PRORP: variants seen among roughly 807,000 people sequenced by gnomAD.
PRORP encodes the protein mitochondrial ribonuclease P catalytic subunit.
A neutral mutation model predicts 59.4 loss-of-function variants in PRORP; 51 were observed. The observed-to-expected ratio is 0.86, with a 90% CI of 0.69 to 1.08. The LOEUF is 1.08. PRORP is among the 50% of genes least tolerant of loss of function. The pLI is 0.00. For synonymous variants in PRORP, 231 were observed against 245.6 expected (o/e 0.94, Z 0.55); for missense variants, 646 against 690.3 (o/e 0.94, Z 0.72).
intron 5 of PRORP, among the ~76,000 whole-genome samples, chr14:35,219,531 G>A (rs1371914121): frequency 6.6e-6 from 1 of 152,294 alleles, no homozygotes; most frequent in East Asian, 1.9e-4. Flanking sequence ...GTATTTGGTG[G>A]CCACTCAAAA....
intron 5 of PRORP, among the ~76,000 whole-genome samples, chr14:35,222,969 T>C (rs1281641275): frequency 6.6e-6 from 1 of 152,196 alleles, no homozygotes; most frequent in Non-Finnish European, 1.5e-5. Flanking sequence ...CTGTTATAGT[T>C]TCTGGCTTAG....
At chr14:35,152,610 C>T (rs932006009) in intron 4 of PRORP, among the ~76,000 whole-genome samples, 2 of 151,446 alleles carry the variant, frequency 1.3e-5, no homozygotes, top group Non-Finnish European at 3.0e-5. Context: ...GGGCTGACCC[C>T]CCCACCTCCG....
intron 5 of PRORP, among the ~76,000 whole-genome samples, chr14:35,214,982 A>AT (rs201453360): frequency 7.3e-5 from 11 of 151,246 alleles, no homozygotes; most frequent in East Asian, 1.9e-4. Context: ...TTGGGAAAGC[A>AT]TTTTTTTTTA....
rs1566542897 is a variant in PRORP, at chr14:35,273,503, C to G, written c.1689C>G (p.Asp563Glu). 1.9e-6 allele frequency: 3 copies of G among 1,613,614 alleles called. No homozygotes were observed. Among genetic ancestry groups the G allele is most frequent in the Non-Finnish European group, 2.5e-6 (3 of 1,179,740 alleles). ...GDSWHIPYDE[D>E]LVERCSCEVP... The stretch of plus-strand genomic sequence containing the variant: ...CGTGGCACATACCATATGATGAAGA[C>G]TTGGTAGAAAGATGTTCCTGTGAAG... The change falls in exon 8 of 8, where the codon GAC becomes GAG. Residue 563 changes from aspartate to glutamate, a missense_variant. Physicochemically the swap from Asp to Glu is conservative, Grantham distance 45. Coordinates refer to ENST00000534898, the MANE Select transcript of PRORP (RefSeq NM_014672.4).
At chr14:35,207,097 A>AT (rs201608588) in intron 5 of PRORP, among the ~76,000 whole-genome samples, 9,289 of 151,022 alleles carry the variant, frequency 0.062, 371 homozygotes, top group Middle Eastern at 0.11. Context: ...TGTATCTTTT[A>AT]TTTTTTTTTC....
intron 4 of PRORP, among the ~76,000 whole-genome samples, chr14:35,173,848 A>G (rs2048378622): frequency 6.6e-6 from 1 of 151,864 alleles, no homozygotes. Context: ...TGGGTCTCCT[A>G]TTGTAATCAA....
At chr14:35,166,147 TTTC>T (rs1194980901) in intron 4 of PRORP, among the ~76,000 whole-genome samples, 1 of 152,176 alleles carries the variant, frequency 6.6e-6, no homozygotes, top group Non-Finnish European at 1.5e-5. Context: ...TAACATTCTT[TTTC>T]TTCTTTTCTT....
At chr14:35,161,569 T>C (rs1308450475) in intron 4 of PRORP, among the ~76,000 whole-genome samples, 1 of 152,170 alleles carries the variant, frequency 6.6e-6, no homozygotes, top group African/African-American at 2.4e-5. Context: ...ACTCAGGCTG[T>C]GTTACTGCCT....
chr14:35,240,511 T>G (rs2050337910), intron 5 of PRORP, among the ~76,000 whole-genome samples: 2 of 152,164 alleles, frequency 1.3e-5, no homozygotes, highest in African/African-American at 4.8e-5. Flanking sequence ...CTATGCTGTA[T>G]TAGCTATACA....
chr14:35,195,071 C>T (rs1190454701), intron 5 of PRORP, among the ~76,000 whole-genome samples: 1 of 151,940 alleles, frequency 6.6e-6, no homozygotes, highest in Admixed American at 6.6e-5. Context: ...TTAGCATATG[C>T]AGTGTTTTAT....
intron 5 of PRORP, among the ~76,000 whole-genome samples, chr14:35,244,351 C>T (rs547644875): frequency 3.5e-3 from 525 of 152,066 alleles, no homozygotes; most frequent in Non-Finnish European, 6.1e-3. Flanking sequence ...GAGAGTTACT[C>T]GATTATGAGA....
intron 5 of PRORP, 105 bp from the exon 6 acceptor site, chr14:35,266,622 C>A: frequency 8.5e-7 from 1 of 1,183,292 alleles, no homozygotes; most frequent in Non-Finnish European, 1.2e-6. Flanking sequence ...TTACCCCCTA[C>A]CAGAAAAGAG....
At chr14:35,251,822 G>A (rs915269443) in intron 5 of PRORP, among the ~76,000 whole-genome samples, 8 of 152,094 alleles carry the variant, frequency 5.3e-5, no homozygotes, top group Admixed American at 1.3e-4. Flanking sequence ...CCAAAGTGCT[G>A]GGATTACAGG....
At chr14:35,215,957 G>A (rs1483134294) in intron 5 of PRORP, among the ~76,000 whole-genome samples, 1 of 151,320 alleles carries the variant, frequency 6.6e-6, no homozygotes, top group African/African-American at 2.4e-5. Context: ...AGTAGAGACC[G>A]GGTTTCACCA....
intron 3 of PRORP, among the ~76,000 whole-genome samples, chr14:35,127,078 G>C (rs56027918): frequency 0.38 from 58,139 of 151,906 alleles, 11,394 homozygotes; most frequent in Middle Eastern, 0.47. Flanking sequence ...TGATATTCCA[G>C]AGGATAGGAA....
At position 35,262,601 on chromosome 14, in the gene PRORP, T is replaced by C. The variant is rs1594354787; in HGVS notation, c.1276-4126T>C. 3.7e-5 allele frequency: 27 copies of C among 723,362 alleles called. No individual in the cohort carries two copies. The East Asian group carries it at 7.0e-4, about 19-fold the overall frequency. The allele number at this position is 723,362 out of a possible 1,614,324, so 44.8% of individuals were successfully genotyped here. On this transcript the variant is annotated intron_variant, in intron 5 of 7. Transcript: ENST00000534898. ...CACATCAGTGTAGATTCAGTCTTCT[T>C]GGAAAGAAAGAAAAGAGGCTCCAGG...
chr14:35,272,218 T>C (rs1474910361), intron 7 of PRORP, among the ~76,000 whole-genome samples: 1 of 152,214 alleles, frequency 6.6e-6, no homozygotes, highest in African/African-American at 2.4e-5. Flanking sequence ...AAGGTAATGC[T>C]CATGTTAATG....
At chr14:35,192,519 C>G (rs2048908913) in intron 5 of PRORP, among the ~76,000 whole-genome samples, 2 of 152,278 alleles carry the variant, frequency 1.3e-5, no homozygotes, top group Admixed American at 1.3e-4. Context: ...GACCATTTAT[C>G]CTAGAATGAT....
At chr14:35,155,560 T>TA (rs33984722) in intron 4 of PRORP, among the ~76,000 whole-genome samples, 100 of 108,664 alleles carry the variant, frequency 9.2e-4, no homozygotes, top group Middle Eastern at 4.6e-3. Flanking sequence ...GGTGTCTATT[T>TA]AAAAAAAAAA....
Sources: gnomAD v4.1 joint callset for allele counts (sites outside exome capture counted in the v4.1 genomes callset) on GRCh38, gnomAD v4.1.1 for gene constraint, MANE v1.5 for transcripts, NCBI Gene and HGNC (gene_info 2026-07-23, HGNC 2026-07-21) for gene names.